Variants in KCTD8 observed in about 807,000 individuals in gnomAD.
KCTD8 encodes potassium channel tetramerization domain containing 8.
Under a neutral mutation model 31.5 loss-of-function variants are expected in KCTD8, and 27 were observed. The observed-to-expected ratio is 0.86, with a 90% CI of 0.63 to 1.18. The LOEUF is 1.18. Among genes scored for constraint, KCTD8 ranks in the 50% most tolerant of loss-of-function variants. The probability of loss-of-function intolerance (pLI) is 0.00; values close to 1 mark genes in which losing one functional copy is unlikely to be tolerated. For synonymous variants in KCTD8, 290 were observed against 280.0 expected (o/e 1.04, Z -0.36); for missense variants, 658 against 647.7 (o/e 1.02, Z -0.17).
Position 44,215,195 on chromosome 4 carries a change from T to C in KCTD8, c.962-39945A>G, listed in dbSNP as rs114832883. 3.7e-3 allele frequency among the ~76,000 whole-genome samples: 568 copies of C among 152,326 alleles called. 4 individuals carry two copies. Among genetic ancestry groups the C allele is most frequent in the African/African-American group, 0.013 (546 of 41,580 alleles). On this transcript the variant is annotated intron_variant, in intron 1 of 1. Coordinates refer to ENST00000360029, the MANE Select transcript of KCTD8 (RefSeq NM_198353.3). ...ATAATAAAACTCTGGCCTGGTCTCC[T>C]GTACAGCTAGCTCTGTGTGAATTAA...
intron 1 of KCTD8, among the ~76,000 whole-genome samples, chr4:44,338,413 G>A (rs1718811187): frequency 1.3e-5 from 2 of 152,072 alleles, no homozygotes; most frequent in African/African-American, 4.8e-5. Flanking sequence ...TATATCTCTA[G>A]GAAAACTATT....
intron 1 of KCTD8, among the ~76,000 whole-genome samples, chr4:44,302,393 T>A (rs1292976208): frequency 6.6e-6 from 1 of 152,172 alleles, no homozygotes; most frequent in East Asian, 1.9e-4. Context: ...TTTTATTTCA[T>A]TGAGCAGTGG....
chr4:44,397,430 G>A (rs984329465), intron 1 of KCTD8, among the ~76,000 whole-genome samples: 2 of 152,132 alleles, frequency 1.3e-5, no homozygotes, highest in African/African-American at 4.8e-5. Context: ...TTGTGTATGT[G>A]TGCATGCATG....
intron 1 of KCTD8, among the ~76,000 whole-genome samples, chr4:44,288,074 T>C (rs1187986876): frequency 6.6e-6 from 1 of 152,182 alleles, no homozygotes; most frequent in Non-Finnish European, 1.5e-5. Flanking sequence ...TCAAATTTTC[T>C]TTTCTCCATT....
intron 1 of KCTD8, among the ~76,000 whole-genome samples, chr4:44,317,406 A>AT (rs1373483235): frequency 3.5e-5 from 5 of 142,246 alleles, no homozygotes; most frequent in Non-Finnish European, 7.5e-5. Flanking sequence ...CACCCGGCTA[A>AT]TTTTTTGTAT....
At chr4:44,321,451 T>C (rs1271804805) in intron 1 of KCTD8, among the ~76,000 whole-genome samples, 1 of 152,154 alleles carries the variant, frequency 6.6e-6, no homozygotes, top group African/African-American at 2.4e-5. Flanking sequence ...CTGTTTTCCG[T>C]GTTTTAGTTT....
At chr4:44,244,110 C>A (rs1416070191) in intron 1 of KCTD8, among the ~76,000 whole-genome samples, 2 of 152,164 alleles carry the variant, frequency 1.3e-5, no homozygotes, top group Non-Finnish European at 2.9e-5. Context: ...TTTGACTGGG[C>A]ATTTGTATTT....
chr4:44,232,336 T>C (rs1213477351), intron 1 of KCTD8, among the ~76,000 whole-genome samples: 1 of 152,088 alleles, frequency 6.6e-6, no homozygotes, highest in Non-Finnish European at 1.5e-5. Flanking sequence ...TTATTAATGA[T>C]TAAAGTGGTT....
chr4:44,276,050 C>T (rs1360318653), intron 1 of KCTD8, among the ~76,000 whole-genome samples: 1 of 151,896 alleles, frequency 6.6e-6, no homozygotes, highest in Non-Finnish European at 1.5e-5. Context: ...TCCATGGTCC[C>T]AAAAGAGTGG....
intron 1 of KCTD8, among the ~76,000 whole-genome samples, chr4:44,411,616 A>C (rs1720960173): frequency 6.6e-6 from 1 of 152,134 alleles, no homozygotes; most frequent in Admixed American, 6.6e-5. Context: ...CAATCCTCAG[A>C]ACCTTAGAAT....
At chr4:44,196,654 G>A (rs537306047) in intron 1 of KCTD8, among the ~76,000 whole-genome samples, 1 of 152,310 alleles carries the variant, frequency 6.6e-6, no homozygotes, top group South Asian at 2.1e-4. Context: ...ACCCACCTGG[G>A]ACCAGTGCAG....
At chr4:44,256,956 C>G (rs980662546) in intron 1 of KCTD8, among the ~76,000 whole-genome samples, 2 of 151,936 alleles carry the variant, frequency 1.3e-5, no homozygotes, top group Non-Finnish European at 2.9e-5. Context: ...CTAACAGTTT[C>G]TTTTTTCATA....
chr4:44,409,793 TA>T (rs67296007), intron 1 of KCTD8, among the ~76,000 whole-genome samples: 123,875 of 150,474 alleles, frequency 0.82, 51,110 homozygotes, highest in South Asian at 0.87. Context: ...TAGAGTATAT[TA>T]AAAAAAAGTA....
At chr4:44,402,019 T>C (rs1169768981) in intron 1 of KCTD8, among the ~76,000 whole-genome samples, 1 of 152,178 alleles carries the variant, frequency 6.6e-6, no homozygotes, top group Non-Finnish European at 1.5e-5. Flanking sequence ...TAATTCAAGC[T>C]TGTATATTAT....
At chr4:44,355,100 T>C (rs914761776) in intron 1 of KCTD8, among the ~76,000 whole-genome samples, 7 of 152,176 alleles carry the variant, frequency 4.6e-5, no homozygotes, top group Admixed American at 2.0e-4. Context: ...TTGAATTAAT[T>C]GAGAAGAATT....
intron 1 of KCTD8, among the ~76,000 whole-genome samples, chr4:44,402,300 A>G (rs912443830): frequency 9.2e-5 from 14 of 152,206 alleles, no homozygotes; most frequent in Non-Finnish European, 2.1e-4. Context: ...GACATTTGCT[A>G]AACAGAGTAA....
At chr4:44,327,736 T>A (rs1718486072) in intron 1 of KCTD8, among the ~76,000 whole-genome samples, 1 of 151,828 alleles carries the variant, frequency 6.6e-6, no homozygotes, top group South Asian at 2.1e-4. Flanking sequence ...AGCTGTATGA[T>A]CTTGGGCACT....
chr4:44,241,083 G>T (rs1401231426), intron 1 of KCTD8, among the ~76,000 whole-genome samples: 1 of 152,150 alleles, frequency 6.6e-6, no homozygotes, highest in East Asian at 1.9e-4. Context: ...CACACTGTCT[G>T]TCCTCATTTT....
intron 1 of KCTD8, among the ~76,000 whole-genome samples, chr4:44,403,687 C>T (rs779073734): frequency 1.3e-5 from 2 of 152,054 alleles, no homozygotes; most frequent in Middle Eastern, 3.4e-3. Context: ...CTCTAAAGGA[C>T]TCATTTTAAC....
Sources: allele counts gnomAD v4.1 joint callset (sites outside exome capture counted in the v4.1 genomes callset), GRCh38; gene constraint gnomAD v4.1.1; transcripts MANE v1.5; gene names NCBI Gene and HGNC (gene_info 2026-07-23, HGNC 2026-07-21).